Variants in FRAS1 observed in about 807,000 individuals in gnomAD.
The protein encoded by FRAS1 is extracellular matrix organizing protein FRAS1.
FRAS1 carries 290 observed loss-of-function variants against 435.2 expected under a neutral mutation model. The ratio of observed to expected loss-of-function variants is 0.67; its 90% CI spans 0.61 to 0.73. FRAS1 has a LOEUF of 0.73. Ranked by LOEUF, FRAS1 falls within the 30% of genes least tolerant of loss-of-function variation. The pLI is 0.00. For missense variants in FRAS1, 4,860 were observed against 5,001.5 expected (o/e 0.97, Z 0.85); for synonymous variants, 1,800 against 1,851.0 (o/e 0.97, Z 0.71).
At chr4:78,482,101 A>C (rs952712844) in intron 57 of FRAS1, 137 bp downstream of exon 57, 7 of 929,310 alleles carry the variant, frequency 7.5e-6, no homozygotes, top group Non-Finnish European at 1.1e-5. Context: ...CACATACATA[A>C]ACAAGAGAGT....
At chr4:78,122,805 C>A (rs1185486935) in intron 2 of FRAS1, among the ~76,000 whole-genome samples, 1 of 152,114 alleles carries the variant, frequency 6.6e-6, no homozygotes, top group Non-Finnish European at 1.5e-5. Flanking sequence ...ATATCCTTTG[C>A]CCATTTTTGA....
chr4:78,320,399 A>G (rs1476955091), intron 18 of FRAS1, among the ~76,000 whole-genome samples: 1 of 150,994 alleles, frequency 6.6e-6, no homozygotes. Flanking sequence ...TTCCTTAGGG[A>G]CCCCACAGAC....
rs751001006 is a variant in FRAS1 at position 78,481,956 on chromosome 4, A to G, written c.8596A>G (p.Ile2866Val). The change falls in exon 57 of 74, where the codon ATT (isoleucine) becomes GTT (valine). Residue 2866 changes from isoleucine (I) to valine (V), a missense_variant. Ile to Val is a conservative substitution (Grantham distance 29, BLOSUM62 3). Coordinates refer to ENST00000512123, the MANE Select transcript of FRAS1 (RefSeq NM_025074.7). ...GAAGGTGGAATTTGGGCCTGGTGTC[A>G]TTGAACAGGTGCGTTTACAGCAGTC... The part of the protein sequence containing the change: ...SRKVEFGPGV[I>V]EQYCTLTILD... 35 of 1,613,610 alleles carry G rather than the reference A, an allele frequency of 2.2e-5. No individual in the cohort carries two copies. The East Asian group carries it at 7.4e-4, about 34-fold the overall frequency.
chr4:78,224,036 A>C (rs1724166152), intron 2 of FRAS1, among the ~76,000 whole-genome samples: 1 of 152,194 alleles, frequency 6.6e-6, no homozygotes, highest in South Asian at 2.1e-4. Flanking sequence ...TAGAAACTTA[A>C]GATCTTAGGA....
intron 2 of FRAS1, among the ~76,000 whole-genome samples, chr4:78,204,585 G>A (rs1321574976): frequency 6.6e-6 from 1 of 152,220 alleles, no homozygotes; most frequent in Non-Finnish European, 1.5e-5. Context: ...CAATGTGAGT[G>A]TCTGGACTGA....
intron 2 of FRAS1, among the ~76,000 whole-genome samples, chr4:78,140,313 T>C (rs924542122): frequency 1.3e-5 from 2 of 152,152 alleles, no homozygotes; most frequent in African/African-American, 4.8e-5. Flanking sequence ...TGTTTTTTTC[T>C]TAGTTTGTTT....
At chr4:78,430,535 G>A (rs1734174251) in intron 37 of FRAS1, 118 bp downstream of exon 37, 2 of 1,032,480 alleles carry the variant, frequency 1.9e-6, no homozygotes, top group African/African-American at 1.6e-5. Context: ...ACTATGAGGA[G>A]CTATTTTGTG....
In FRAS1 at chr4:78,255,616, T is replaced by A. The variant is rs534922759; in HGVS notation, c.603+241T>A. Among the ~76,000 whole-genome samples the A allele has an allele frequency of 2.6e-5, 4 of 152,350 alleles. No homozygotes were observed. In the South Asian group the frequency reaches 8.3e-4, roughly 32 times the overall value. On this transcript the variant is annotated intron_variant, in intron 6 of 73. Coordinates refer to ENST00000512123, the MANE Select transcript of FRAS1 (RefSeq NM_025074.7). ...TATAATGCAACTGAGCCTTGAGGAT[T>A]CACACAAGGAAGCCTCCAGCTCTAA...
intron 23 of FRAS1, among the ~76,000 whole-genome samples, chr4:78,371,575 A>C (rs2110307212): frequency 6.6e-6 from 1 of 152,260 alleles, no homozygotes; most frequent in Non-Finnish European, 1.5e-5. Flanking sequence ...TACTATTCTC[A>C]CCCATGTTTT....
chr4:78,114,312 G>C (rs1442567138), intron 2 of FRAS1, among the ~76,000 whole-genome samples: 1 of 152,108 alleles, frequency 6.6e-6, no homozygotes, highest in African/African-American at 2.4e-5. Flanking sequence ...GGCAATGCAG[G>C]CTCTTTTTTT....
intron 2 of FRAS1, among the ~76,000 whole-genome samples, chr4:78,116,483 C>G (rs555074897): frequency 6.6e-6 from 1 of 152,274 alleles, no homozygotes; most frequent in Non-Finnish European, 1.5e-5. Context: ...TTGTAGGTCT[C>G]TAAGGACTTG....
At chr4:78,301,322 A>G (rs937781994) in intron 14 of FRAS1, among the ~76,000 whole-genome samples, 4 of 152,100 alleles carry the variant, frequency 2.6e-5, no homozygotes, top group African/African-American at 4.8e-5. Flanking sequence ...AAATTCAGTT[A>G]TTCAGAATAG....
In FRAS1 at chr4:78,132,968, T is replaced by C. The variant is rs146983368; in HGVS notation, c.108+66952T>C. ...TCAGTTTCTGACTTCTCAGCCCTCC[T>C]TTCATATATAAGTTCAGCCAAACTT... On this transcript the variant is annotated intron_variant, in intron 2 of 73. Coordinates refer to ENST00000512123, the MANE Select transcript of FRAS1 (RefSeq NM_025074.7). Among the ~76,000 whole-genome samples the C allele has an allele frequency of 2.4e-4, 36 of 152,256 alleles. No homozygotes were observed. The East Asian group carries it at 6.6e-3, about 28-fold the overall frequency.
intron 2 of FRAS1, among the ~76,000 whole-genome samples, chr4:78,099,180 T>C (rs1741979811): frequency 6.6e-6 from 1 of 152,210 alleles, no homozygotes; most frequent in African/African-American, 2.4e-5. Context: ...GAAGAGCTGG[T>C]GGCCTGTGCA....
In FRAS1 at chr4:78,110,445, C is replaced by T. The variant is rs1185308454; in HGVS notation, c.108+44429C>T. 1.2e-3 allele frequency among the ~76,000 whole-genome samples: 119 copies of T among 100,664 alleles called. 12 individuals carry two copies. Among genetic ancestry groups the T allele is most frequent in the African/African-American group, 3.5e-3 (80 of 23,186 alleles). 66.0% of individuals were successfully genotyped at this position (100,664 alleles called of 152,430 possible). A position where few individuals can be genotyped will look rare whatever the true frequency, so the allele number is the denominator to read the frequency against. On this transcript the variant is annotated intron_variant, in intron 2 of 73. Transcript: ENST00000512123. ...AGAACAGAGCCCTCAGAAATAATGC[C>T]GCATGTCTACAACTATCTGATCTTT...
At chr4:78,523,219 G>A (rs1310571842) in intron 69 of FRAS1, among the ~76,000 whole-genome samples, 1 of 152,196 alleles carries the variant, frequency 6.6e-6, no homozygotes, top group East Asian at 1.9e-4. Flanking sequence ...ACCAGAAGGG[G>A]CACACATCAC....
chr4:78,232,288 A>AT (rs143098706), intron 2 of FRAS1, among the ~76,000 whole-genome samples: 9,587 of 143,990 alleles, frequency 0.067, 749 homozygotes, highest in African/African-American at 0.2. Context: ...TACAAGGAAG[A>AT]TTTTTTTTTT....
chr4:78,200,892 T>C (rs1321750196), intron 2 of FRAS1, among the ~76,000 whole-genome samples: 4 of 127,676 alleles, frequency 3.1e-5, no homozygotes, highest in Admixed American at 9.5e-5. Flanking sequence ...TATATGTATA[T>C]ATATAAATAC....
At chr4:78,062,537 GGTCTGA>G (rs1739805300) in intron 1 of FRAS1, among the ~76,000 whole-genome samples, 1 of 151,838 alleles carries the variant, frequency 6.6e-6, no homozygotes, top group African/African-American at 2.4e-5. Context: ...TGAACTAATG[GGTCTGA>G]CATTTTGTGG....
Sources: gnomAD v4.1 joint callset for allele counts (sites outside exome capture counted in the v4.1 genomes callset) on GRCh38, gnomAD v4.1.1 for gene constraint, MANE v1.5 for transcripts, NCBI Gene and HGNC (gene_info 2026-07-23, HGNC 2026-07-21) for gene names.